RC3H2: variants seen among roughly 807,000 people sequenced by gnomAD.
RC3H2 encodes the protein roquin-2.
RC3H2 carries 31 observed loss-of-function variants against 133.3 expected under a neutral mutation model. That is an observed-to-expected ratio of 0.23 (90% CI 0.17 to 0.31). The LOEUF (loss-of-function observed/expected upper bound fraction) is 0.31. Ranked by LOEUF, RC3H2 falls within the 10% of genes least tolerant of loss-of-function variation. RC3H2 has a pLI of 1.00. For missense variants in RC3H2, 1,175 were observed against 1,437.2 expected, an observed-to-expected ratio of 0.82 and a Z score of 2.95; for synonymous variants, 517 against 502.2, an observed-to-expected ratio of 1.03 and a Z score of -0.40.
rs778264277 is a variant in RC3H2, at chr9:122,851,305, T to C, written c.3231+18A>G. On this transcript the variant is annotated intron_variant, in intron 19 of 20. Coordinates refer to ENST00000357244, the MANE Select transcript of RC3H2 (RefSeq NM_001100588.3). The stretch of plus-strand genomic sequence containing the variant: ...TCAATCAAACAAAGCCTCTCAATTA[T>C]CTAATTGTGGCACTTACTTCAATTG... The C allele has an allele frequency of 1.2e-6, 2 of 1,610,778 alleles. No individual in the cohort carries two copies. Among genetic ancestry groups the C allele is most frequent in the Non-Finnish European group, 1.7e-6 (2 of 1,176,926 alleles).
chr9:122,904,028 C>A (rs1832749702), intron 1 of RC3H2, among the ~76,000 whole-genome samples: 2 of 152,188 alleles, frequency 1.3e-5, no homozygotes, highest in South Asian at 4.1e-4. Flanking sequence ...CTTTATACCA[C>A]TGTGGTATAG....
At position 122,854,187 on chromosome 9, in the gene RC3H2, G is replaced by T; in HGVS notation, c.2980C>A (p.Gln994Lys). 6.2e-7 allele frequency: 1 copy of T among 1,613,564 alleles called. No homozygotes were observed. The highest frequency in any genetic ancestry group is 8.5e-7 in the Non-Finnish European group (1 of 1,179,674). ...TATAGCTGAGTTACAGAGCCTACCT[G>T]CTGAAGTTCAAGGCTCAAAAGGTCC... ...TGDLLSLELQ[Q>K]AKSNSLLLQR... The change falls in exon 17 of 21, where the codon CAG becomes AAG. Residue 994 changes from glutamine to lysine, a missense_variant and splice_region_variant. Transcript: ENST00000357244.
Position 122,857,985 on chromosome 9 carries a change from G to C in RC3H2, c.2392C>G (p.Pro798Ala). ...GGTGTTGGTGACTGTGTTGCCACAG[G>C]AAGAGTTGAAGAGACAAGAGGTGCT... ...QKAPLVSSTL[P>A]VATQSPTPPS... The change falls in exon 13 of 21, where the codon CCT becomes GCT. Residue 798 changes from proline (P) to alanine (A), a missense_variant. Physicochemically the swap from Pro to Ala is conservative, Grantham distance 27. Transcript: ENST00000357244. 6.2e-7 allele frequency: 1 copy of C among 1,614,178 alleles called. No homozygotes were observed. Among genetic ancestry groups the C allele is most frequent in the Non-Finnish European group, 8.5e-7 (1 of 1,179,976 alleles).
chr9:122,852,747 G>T (rs1215528564), intron 18 of RC3H2, among the ~76,000 whole-genome samples: 1 of 149,894 alleles, frequency 6.7e-6, no homozygotes, highest in Non-Finnish European at 1.5e-5. Context: ...CGCCCCGTCC[G>T]GGAGGGAGGT....
In RC3H2 at chr9:122,890,468, C is replaced by T. The variant is rs1832116399; in HGVS notation, c.427G>A (p.Val143Met). The T allele has an allele frequency of 6.2e-7, 1 of 1,614,200 alleles. No homozygotes were observed. The highest frequency in any genetic ancestry group is 8.5e-7 in the Non-Finnish European group (1 of 1,180,038). Residue 143 changes from valine (V) to methionine (M), a missense_variant, in exon 4 of 21, where the codon GTG (valine) becomes ATG (methionine). By Grantham distance (21) the Val-to-Met change is conservative. This residue lies in a region of RC3H2 where 121 missense variants were observed against 243.5 expected (regional missense o/e 0.50). Transcript: ENST00000357244. ...KLVTLVNCQL[V>M]EEEGRVRAMR... Reference sequence around the variant, plus strand: ...GCTCTTACACGACCTTCTTCCTCCACCAGTTGACAGTTTACAAGTGTCACC... The same window carrying T: ...GCTCTTACACGACCTTCTTCCTCCATCAGTTGACAGTTTACAAGTGTCACC...
rs1204596408 is a variant in RC3H2 at position 122,880,322 on chromosome 9, A to T, written c.961-197T>A. Reference sequence around the variant, plus strand: ...ATCATTAGACACTTAGAAAACTTATAAGCTGTATTAACTCTCTGAGGTCAG... The same window carrying T: ...ATCATTAGACACTTAGAAAACTTATTAGCTGTATTAACTCTCTGAGGTCAG... On this transcript the variant is annotated intron_variant, in intron 6 of 20. Transcript: ENST00000357244. The T allele has an allele frequency of 6.1e-6, 5 of 816,438 alleles. 1 individual carries two copies. The allele number at this position is 816,438 out of a possible 1,614,324, so 50.6% of individuals were successfully genotyped here. A position where few individuals can be genotyped will look rare whatever the true frequency, so the allele number is the denominator to read the frequency against.
rs958661062 is a variant in RC3H2, at chr9:122,847,509, T to C, written c.*2118A>G. Reference sequence around the variant, plus strand: ...CATGAAATAGACAGACTGGTTTGCATATCCTTTTTGGAATTACAAACAGCA... The same window carrying C: ...CATGAAATAGACAGACTGGTTTGCACATCCTTTTTGGAATTACAAACAGCA... On this transcript the variant is annotated 3_prime_UTR_variant, in exon 21 of 21. Coordinates refer to ENST00000357244, the MANE Select transcript of RC3H2 (RefSeq NM_001100588.3). 1.3e-5 allele frequency: 2 copies of C among 152,174 alleles called. No homozygotes were observed. The highest frequency in any genetic ancestry group is 2.4e-5 in the African/African-American group (1 of 41,456). The allele number at this position is 152,174 out of a possible 1,614,324, so 9.4% of individuals were successfully genotyped here. A position where few individuals can be genotyped will look rare whatever the true frequency, so the allele number is the denominator to read the frequency against.
At chr9:122,904,843 G>A (rs1242669669) in intron 1 of RC3H2, among the ~76,000 whole-genome samples, 1 of 152,192 alleles carries the variant, frequency 6.6e-6, no homozygotes, top group Non-Finnish European at 1.5e-5. Context: ...GTTCGTTAGG[G>A]GTCAGAGGCG....
chr9:122,869,437 CTTT>C (rs1006718999), intron 9 of RC3H2, among the ~76,000 whole-genome samples: 8 of 152,142 alleles, frequency 5.3e-5, no homozygotes, highest in Admixed American at 4.6e-4. Context: ...TTCTCCTTCT[CTTT>C]AACATGTACA....
chr9:122,866,265 T>C (rs900460802), intron 9 of RC3H2, among the ~76,000 whole-genome samples: 1 of 152,232 alleles, frequency 6.6e-6, no homozygotes, highest in African/African-American at 2.4e-5. Flanking sequence ...ATACTAAGTT[T>C]TGAGTTTTAT....
At chr9:122,904,475 G>T (rs1266436291) in intron 1 of RC3H2, among the ~76,000 whole-genome samples, 1 of 152,188 alleles carries the variant, frequency 6.6e-6, no homozygotes, top group Non-Finnish European at 1.5e-5. Context: ...CTAAGATGGT[G>T]GAAGAGTCTC....
chr9:122,859,206 G>A, intron 11 of RC3H2, 104 bp from the exon 12 acceptor site: 2 of 810,642 alleles, frequency 2.5e-6, no homozygotes, highest in South Asian at 4.6e-5. Context: ...AATATAATAA[G>A]CTTTGAACCT....
Position 122,858,937 on chromosome 9 carries a change from T to C in RC3H2, c.2015A>G (p.Tyr672Cys). The change falls in exon 12 of 21, where the codon TAC (tyrosine) becomes TGC (cysteine). Residue 672 changes from tyrosine (Y) to cysteine (C), a missense_variant. This residue lies in a region of RC3H2 where 490 missense variants were observed against 492.8 expected (regional missense o/e 0.99). Coordinates refer to ENST00000357244, the MANE Select transcript of RC3H2 (RefSeq NM_001100588.3). ...ATACGGCTGCGGAGGAGGAGGCTGG[T>C]AAGGAGAAGAATTCATTCGATCTCG... ...SPRDRMNSSP[Y>C]QPPPPQPYGP... 6.2e-7 allele frequency: 1 copy of C among 1,614,184 alleles called. No individual in the cohort carries two copies.
At chr9:122,895,388 G>C (rs530639247) in intron 2 of RC3H2, among the ~76,000 whole-genome samples, 1 of 134,196 alleles carries the variant, frequency 7.5e-6, no homozygotes, top group African/African-American at 2.5e-5. Context: ...GGCTAGTCTC[G>C]AACTCCTGGC....
chr9:122,865,256 GA>G, intron 10 of RC3H2, 92 bp downstream of exon 10: 1 of 1,110,832 alleles, frequency 9.0e-7, no homozygotes, highest in South Asian at 1.6e-5. Flanking sequence ...TAAAAATTCT[GA>G]TTAACCGGTA....
At chr9:122,877,996 T>C (rs1250695795) in intron 8 of RC3H2, among the ~76,000 whole-genome samples, 1 of 152,192 alleles carries the variant, frequency 6.6e-6, no homozygotes, top group Non-Finnish European at 1.5e-5. Context: ...CAATTCCACC[T>C]AGAAGTGAAA....
At chr9:122,891,274 C>T (rs900097780) in intron 3 of RC3H2, among the ~76,000 whole-genome samples, 49 of 152,106 alleles carry the variant, frequency 3.2e-4, no homozygotes, top group African/African-American at 1.0e-3. Flanking sequence ...CTGCCCGCCT[C>T]GGCCTCTCAA....
At chr9:122,905,066 C>A in intron 1 of RC3H2, 44 bp downstream of exon 1, 1 of 984,354 alleles carries the variant, frequency 1.0e-6, no homozygotes, top group African/African-American at 1.7e-5. Flanking sequence ...GGACCAGGCA[C>A]CCGGGCTGGG....
chr9:122,859,270 T>TC (rs1222631105), intron 11 of RC3H2, among the ~76,000 whole-genome samples, 168 bp from the exon 12 acceptor site: 4 of 146,954 alleles, frequency 2.7e-5, no homozygotes, highest in African/African-American at 1.0e-4. Flanking sequence ...TTTTTTTTTT[T>TC]TTTTGGTAGA....
Sources: allele counts gnomAD v4.1 joint callset (sites outside exome capture counted in the v4.1 genomes callset), GRCh38; gene constraint gnomAD v4.1.1; regional missense constraint gnomAD v4.1.1; transcripts MANE v1.5; gene names NCBI Gene and HGNC (gene_info 2026-07-23, HGNC 2026-07-21).